The following CABIN1 variants were observed in gnomAD, a reference collection of about 807,000 sequenced individuals.
The protein encoded by CABIN1 is calcineurin binding protein 1, also known as calcineurin-binding protein cabin-1.
A neutral mutation model predicts 227.7 loss-of-function variants in CABIN1; 133 were observed. The observed-to-expected ratio is 0.58, with a 90% CI of 0.51 to 0.67. The LOEUF is 0.67. Among genes scored for constraint, CABIN1 ranks in the 30% least tolerant of loss-of-function variants. The pLI is 0.00. For synonymous variants in CABIN1, 1,086 were observed against 1,155.1 expected (o/e 0.94, Z 1.21); for missense variants, 2,408 against 2,852.5 (o/e 0.84, Z 3.55).
chr22:24,176,101 G>A lies in CABIN1; in HGVS notation c.6041-10G>A, dbSNP rs1366865293. On this transcript the variant is annotated splice_polypyrimidine_tract_variant and intron_variant, in intron 34 of 36. Transcript: ENST00000263119. ...AGTCTATTACCTGCAGTGAGCCCATGTCCCCACAGAGGGAGAAGAGCTGGC... is the reference window on the plus strand; with the variant it reads ...AGTCTATTACCTGCAGTGAGCCCATATCCCCACAGAGGGAGAAGAGCTGGC... The A allele has an allele frequency of 6.2e-7, 1 of 1,609,042 alleles. No individual in the cohort carries two copies. Among genetic ancestry groups the A allele is most frequent in the Non-Finnish European group, 8.5e-7 (1 of 1,178,332 alleles).
chr22:24,096,803 C>T (rs1384468930), intron 25 of CABIN1, among the ~76,000 whole-genome samples: 2 of 152,234 alleles, frequency 1.3e-5, no homozygotes. Flanking sequence ...CCAGCTTGCC[C>T]ACATGGGAGC....
intron 26 of CABIN1, among the ~76,000 whole-genome samples, chr22:24,111,452 T>C (rs976738264): frequency 7.2e-5 from 11 of 152,174 alleles, no homozygotes; most frequent in Non-Finnish European, 1.5e-4. Flanking sequence ...TGAACCCTAT[T>C]GTGAACTGCA....
At chr22:24,127,365 C>T (rs1489475709) in intron 28 of CABIN1, among the ~76,000 whole-genome samples, 1 of 152,182 alleles carries the variant, frequency 6.6e-6, no homozygotes, top group South Asian at 2.1e-4. Flanking sequence ...CAAATTCCCT[C>T]AGTCAAACCC....
chr22:24,118,165 G>A (rs1449447217), intron 27 of CABIN1, among the ~76,000 whole-genome samples: 1 of 152,194 alleles, frequency 6.6e-6, no homozygotes, highest in East Asian at 1.9e-4. Context: ...CGATGCAGGG[G>A]AGGGAGAAGG....
intron 27 of CABIN1, among the ~76,000 whole-genome samples, chr22:24,114,517 A>G (rs1476033918): frequency 6.6e-6 from 1 of 152,246 alleles, no homozygotes; most frequent in Admixed American, 6.5e-5. Context: ...AAAAAAGCAC[A>G]ATGACTATTC....
At chr22:24,018,955 T>C (rs1174747857) in intron 1 of CABIN1, among the ~76,000 whole-genome samples, 1 of 152,098 alleles carries the variant, frequency 6.6e-6, no homozygotes, top group East Asian at 1.9e-4. Context: ...ATTTAAACTT[T>C]TTCTTGCACA....
At chr22:24,099,222 T>TC (rs1372643298) in intron 26 of CABIN1, among the ~76,000 whole-genome samples, 1 of 152,164 alleles carries the variant, frequency 6.6e-6, no homozygotes, top group Non-Finnish European at 1.5e-5. Context: ...GGCATCTGCC[T>TC]CCAACTTTCT....
At chr22:24,172,559 T>G (rs894623232) in intron 34 of CABIN1, among the ~76,000 whole-genome samples, 42 of 152,098 alleles carry the variant, frequency 2.8e-4, no homozygotes, top group African/African-American at 9.7e-4. Context: ...CAGGGGCAGG[T>G]CAGGGGGCTT....
In CABIN1 at chr22:24,166,863, C is replaced by T. The variant is rs139720428; in HGVS notation, c.5232C>T (p.Ser1744=). 9.3e-6 allele frequency: 15 copies of T among 1,612,320 alleles called. No individual in the cohort carries two copies. The highest frequency in any genetic ancestry group is 2.2e-5 in the East Asian group (1 of 44,874). ...AMDAGDSADQ[S]GERKDKESPR... ...ATGCAGGAGACAGTGCAGACCAAAG[C>T]GGGGAGCGGAAGGATAAAGAGAGCC... Residue 1744 remains serine, a synonymous_variant, in exon 32 of 37, where the codon AGC becomes AGT. Coordinates refer to ENST00000263119, the MANE Select transcript of CABIN1 (RefSeq NM_012295.4).
intron 26 of CABIN1, among the ~76,000 whole-genome samples, chr22:24,112,351 C>G (rs946138552): frequency 6.6e-6 from 1 of 152,156 alleles, no homozygotes; most frequent in Non-Finnish European, 1.5e-5. Flanking sequence ...ACCTTTAGTG[C>G]CCCAGTGGTG....
chr22:24,098,551 A>C (rs1420278480), intron 26 of CABIN1, among the ~76,000 whole-genome samples: 2 of 152,168 alleles, frequency 1.3e-5, no homozygotes, highest in African/African-American at 4.8e-5. Context: ...CTCCTGGTGC[A>C]GTCAGCTTAG....
rs202014918 is a variant in CABIN1, at chr22:24,062,039, T to C, written c.1696+14T>C. The C allele has an allele frequency of 2.5e-6, 4 of 1,607,024 alleles. No individual in the cohort carries two copies. The Admixed American group carries it at 5.0e-5, about 20-fold the overall frequency. On this transcript the variant is annotated intron_variant, in intron 13 of 36. Transcript: ENST00000263119. The stretch of plus-strand genomic sequence containing the variant: ...GAAGCTCTGCAGGTAGGAGGCATTA[T>C]GTGTTCTGTGGCCAGGCTAATATCT...
At chr22:24,102,710 A>G (rs1269823817) in intron 26 of CABIN1, among the ~76,000 whole-genome samples, 1 of 152,010 alleles carries the variant, frequency 6.6e-6, no homozygotes, top group Non-Finnish European at 1.5e-5. Context: ...GGTTGGGGAG[A>G]GGGAGCAGCC....
intron 6 of CABIN1, among the ~76,000 whole-genome samples, chr22:24,043,422 C>T (rs2037594485): frequency 6.8e-6 from 1 of 146,398 alleles, no homozygotes; most frequent in African/African-American, 2.5e-5. Flanking sequence ...GTTTGGGCTG[C>T]CATTAAAAAA....
chr22:24,144,666 T>C (rs2044995338), intron 29 of CABIN1, among the ~76,000 whole-genome samples: 1 of 152,236 alleles, frequency 6.6e-6, no homozygotes. Flanking sequence ...CTTCCCTCTT[T>C]GGGGCCTCAC....
chr22:24,176,014 C>T (rs1414626879), intron 34 of CABIN1, 97 bp from the exon 35 acceptor site: 3 of 1,387,476 alleles, frequency 2.2e-6, no homozygotes, highest in East Asian at 2.5e-5. Flanking sequence ...GCCCAGTGTC[C>T]CAGGGCACAA....
At chr22:24,119,749 C>T in intron 28 of CABIN1, 51 bp downstream of exon 28, 1 of 1,528,116 alleles carries the variant, frequency 6.5e-7, no homozygotes, top group African/African-American at 1.4e-5. Context: ...GGCAGCTGGG[C>T]ATCTTTGAAG....
At chr22:24,175,998 T>G in intron 34 of CABIN1, 113 bp from the exon 35 acceptor site, 1 of 1,263,722 alleles carries the variant, frequency 7.9e-7, no homozygotes, top group Non-Finnish European at 1.1e-6. Context: ...TTGGCCACAC[T>G]CCCCTGCCCA....
In CABIN1 at chr22:24,042,895, C is replaced by T. The variant is rs368263897; in HGVS notation, c.346-9C>T. The T allele has an allele frequency of 9.7e-6, 15 of 1,544,504 alleles. No individual in the cohort carries two copies. In the East Asian group the frequency reaches 1.0e-4, roughly 11 times the overall value. ...GTGTGTGTTTGCCCTCTGCTTGTGT[C>T]GCTTCCAGGCAGTGATGCTGGACTC... On this transcript the variant is annotated splice_polypyrimidine_tract_variant and intron_variant, in intron 5 of 36. Coordinates refer to ENST00000263119, the MANE Select transcript of CABIN1 (RefSeq NM_012295.4).
Sources: gnomAD v4.1 joint callset for allele counts (sites outside exome capture counted in the v4.1 genomes callset) on GRCh38, gnomAD v4.1.1 for gene constraint, MANE v1.5 for transcripts, NCBI Gene and HGNC (gene_info 2026-07-23, HGNC 2026-07-21) for gene names.